Variants in MTCL1 observed in about 807,000 individuals in gnomAD.
The protein encoded by MTCL1 is microtubule cross-linking factor 1.
In MTCL1, 79 loss-of-function variants were observed where a neutral mutation model predicts 141.4. The ratio of observed to expected loss-of-function variants is 0.56; its 90% CI spans 0.47 to 0.67. The LOEUF (loss-of-function observed/expected upper bound fraction) is 0.67, where lower values mean the gene tolerates loss of function less well. Ranked by LOEUF, MTCL1 falls within the 30% of genes least tolerant of loss-of-function variation. The pLI is 0.00. For synonymous variants in MTCL1, 914 were observed against 875.8 expected, an observed-to-expected ratio of 1.04 and a Z score of -0.77; for missense variants, 2,177 against 2,113.9, an observed-to-expected ratio of 1.03 and a Z score of -0.59.
chr18:8,823,486 A>T (rs560274421), intron 14 of MTCL1, among the ~76,000 whole-genome samples: 9 of 151,980 alleles, frequency 5.9e-5, no homozygotes, highest in Non-Finnish European at 1.2e-4. Context: ...TAATTCAGCA[A>T]CTCCTTGAAT....
chr18:8,711,873 T>C (rs1285751625), intron 1 of MTCL1, among the ~76,000 whole-genome samples: 1 of 152,222 alleles, frequency 6.6e-6, no homozygotes, highest in Non-Finnish European at 1.5e-5. Context: ...CTGAGGACTT[T>C]GGTAAAGCGC....
chr18:8,813,224 G>C (rs1246433583), exon 12 of MTCL1: 2 of 1,610,876 alleles, frequency 1.2e-6, no homozygotes, highest in Non-Finnish European at 1.7e-6. Context: ...TCTTGTGGAG[G>C]ATAGAGCAGG....
chr18:8,734,911 A>C (rs867262713), intron 4 of MTCL1, among the ~76,000 whole-genome samples: 9 of 152,146 alleles, frequency 5.9e-5, no homozygotes, highest in Non-Finnish European at 1.2e-4. Flanking sequence ...CATCTCCTTT[A>C]CAGAAACTTA....
intron 4 of MTCL1, among the ~76,000 whole-genome samples, chr18:8,753,421 A>G (rs986326951): frequency 6.6e-6 from 1 of 152,228 alleles, no homozygotes; most frequent in African/African-American, 2.4e-5. Flanking sequence ...AGAAGACATG[A>G]GACTCCTGGA....
intron 12 of MTCL1, among the ~76,000 whole-genome samples, chr18:8,815,524 C>T (rs894164299): frequency 1.2e-4 from 18 of 150,912 alleles, no homozygotes; most frequent in East Asian, 3.9e-4. Context: ...TGCTAAATGA[C>T]GAGTTAATGG....
intron 13 of MTCL1, 81 bp downstream of exon 12, chr18:8,819,340 T>A (rs2076765959): frequency 6.9e-7 from 1 of 1,453,682 alleles, no homozygotes; most frequent in Non-Finnish European, 9.4e-7. Context: ...TCTGCCAGAT[T>A]CCTCTCCTGG....
chr18:8,709,639 C>T (rs1409106025), intron 1 of MTCL1, among the ~76,000 whole-genome samples: 1 of 152,160 alleles, frequency 6.6e-6, no homozygotes, highest in Non-Finnish European at 1.5e-5. Flanking sequence ...ACAAATTTTA[C>T]GTTGCTATAT....
chr18:8,756,481 GTGTGTATA>G (rs1327260635), intron 4 of MTCL1, among the ~76,000 whole-genome samples: 2 of 145,994 alleles, frequency 1.4e-5, no homozygotes, highest in Admixed American at 1.4e-4. Context: ...GTGTGTATAT[GTGTGTATA>G]TATGTATATA....
exon 6 of MTCL1, chr18:8,784,365 C>T (rs755884808): frequency 4.1e-5 from 63 of 1,534,104 alleles, no homozygotes; most frequent in Non-Finnish European, 4.8e-5. Context: ...GAGAGTGACT[C>T]GGAGGAAATG....
rs901880288 is a variant in MTCL1, at chr18:8,797,995, G to A, written c.2242-102G>A. 7.5e-6 allele frequency: 9 copies of A among 1,201,722 alleles called. No individual in the cohort carries two copies. In the African/African-American group the frequency reaches 1.1e-4, roughly 15 times the overall value. 74.4% of individuals were successfully genotyped at this position (1,201,722 alleles called of 1,614,324 possible). ...GTAAGGACTGAGAAGTATAGGCGTT[G>A]ATAATCCATAAAGTAGATGGTTATC... On this transcript the variant is annotated intron_variant, in intron 9 of 16. Coordinates refer to ENST00000359865, the Ensembl canonical transcript of MTCL1.
intron 4 of MTCL1, among the ~76,000 whole-genome samples, chr18:8,747,731 A>T (rs80011082): frequency 1.3e-5 from 2 of 152,178 alleles, no homozygotes; most frequent in Non-Finnish European, 2.9e-5. Flanking sequence ...ATACAGGAAA[A>T]CAGAGAAGCT....
intron 10 of MTCL1, chr18:8,801,694 T>A (rs1264068259): frequency 6.6e-6 from 1 of 152,214 alleles, no homozygotes; most frequent in Non-Finnish European, 1.5e-5. Flanking sequence ...CACAAATAAG[T>A]CTCTTCCCTA....
exon 7 of MTCL1, chr18:8,785,992 G>C (rs778072579): frequency 8.7e-6 from 14 of 1,607,566 alleles, no homozygotes; most frequent in African/African-American, 1.3e-5. Flanking sequence ...GGGACGAGCG[G>C]GAGAGCCTGC....
At chr18:8,788,910 G>C (rs916050940) in intron 7 of MTCL1, among the ~76,000 whole-genome samples, 3 of 152,170 alleles carry the variant, frequency 2.0e-5, no homozygotes, top group African/African-American at 2.4e-5. Flanking sequence ...TGCTCACACT[G>C]TGCACTGGAC....
intron 4 of MTCL1, among the ~76,000 whole-genome samples, chr18:8,773,575 A>G (rs2096493331): frequency 1.3e-5 from 2 of 152,306 alleles, no homozygotes; most frequent in African/African-American, 2.4e-5. Flanking sequence ...TTACCAATCT[A>G]TCAATCTTTT....
intron 7 of MTCL1, chr18:8,786,392 A>G (rs1317593515): frequency 1.5e-5 from 9 of 615,216 alleles, no homozygotes; most frequent in Non-Finnish European, 2.4e-5. Flanking sequence ...GTGAGTGCGC[A>G]GTGGCTTCTT....
At chr18:8,742,822 A>G (rs76736779) in intron 4 of MTCL1, among the ~76,000 whole-genome samples, 6,255 of 152,324 alleles carry the variant, frequency 0.041, 337 homozygotes, top group East Asian at 0.11. Context: ...TGGTTTATAC[A>G]GTTTTCCCTT....
chr18:8,726,286 CTTTTTTTTTTTT>C (rs77665680), intron 4 of MTCL1, among the ~76,000 whole-genome samples: 10 of 102,274 alleles, frequency 9.8e-5, no homozygotes, highest in African/African-American at 3.1e-4. Flanking sequence ...TTCTTTTTTT[CTTTTTTTTTTTT>C]TTTTTTTTGT....
At chr18:8,709,654 G>C (rs2096076213) in intron 1 of MTCL1, among the ~76,000 whole-genome samples, 1 of 152,096 alleles carries the variant, frequency 6.6e-6, no homozygotes, top group Non-Finnish European at 1.5e-5. Flanking sequence ...CTATATTCTG[G>C]AGCATTCCAA....
Sources: allele counts gnomAD v4.1 joint callset (sites outside exome capture counted in the v4.1 genomes callset), GRCh38; gene constraint gnomAD v4.1.1; transcripts MANE v1.5; gene names NCBI Gene and HGNC (gene_info 2026-07-23, HGNC 2026-07-21).